Variants in RHOBTB1 observed in about 807,000 individuals in gnomAD.
The protein encoded by RHOBTB1 is Rho related BTB domain containing 1.
A neutral mutation model predicts 71.6 loss-of-function variants in RHOBTB1; 40 were observed. The observed-to-expected ratio is 0.56, with a 90% CI of 0.43 to 0.73. The LOEUF (loss-of-function observed/expected upper bound fraction) is 0.73. Among genes scored for constraint, RHOBTB1 ranks in the 30% least tolerant of loss-of-function variants. The pLI, the probability that RHOBTB1 is intolerant of heterozygous loss-of-function variation, is 0.00. For missense variants in RHOBTB1, 797 were observed against 894.0 expected (o/e 0.89, Z 1.38); for synonymous variants, 319 against 334.9 (o/e 0.95, Z 0.52).
chr10:60,888,118 T>C (rs980903608), intron 6 of RHOBTB1, 94 bp downstream of exon 6: 76 of 1,367,462 alleles, frequency 5.6e-5, no homozygotes, highest in Admixed American at 3.0e-4. Flanking sequence ...GTATAAATGT[T>C]AGCTATCGTT....
intron 2 of RHOBTB1, among the ~76,000 whole-genome samples, chr10:60,953,681 ATAGTC>A (rs1435911857): frequency 1.3e-5 from 2 of 152,158 alleles, no homozygotes; most frequent in African/African-American, 4.8e-5. Context: ...TGATAACAGA[ATAGTC>A]TAGTGTCATA....
chr10:60,942,876 T>A (rs1238836775), intron 1 of RHOBTB1, among the ~76,000 whole-genome samples: 1 of 149,190 alleles, frequency 6.7e-6, no homozygotes, highest in Non-Finnish European at 1.5e-5. Flanking sequence ...TTTTTTTCTG[T>A]TTAGAGTATG....
rs377090607 is a variant in RHOBTB1, at chr10:60,949,349, C to T, written c.-61-7495G>A. Among the ~76,000 whole-genome samples, 14 of 152,164 alleles carry T rather than the reference C, an allele frequency of 9.2e-5. No homozygotes were observed. The East Asian group carries it at 1.7e-3, about 19-fold the overall frequency. The stretch of plus-strand genomic sequence containing the variant: ...CTAACCCTTTCTGTCCCAAATACCA[C>T]GGGCTGTCTTTGAAAGAATCTGTGT... On this transcript the variant is annotated intron_variant, in intron 2 of 11. Coordinates refer to the RHOBTB1 transcript ENST00000357917.
At chr10:60,886,262 G>A (rs781693843) in intron 6 of RHOBTB1, 32 bp from the exon 7 acceptor site, 1 of 1,558,336 alleles carries the variant, frequency 6.4e-7, no homozygotes, top group Non-Finnish European at 8.8e-7. Flanking sequence ...ACAACCATGA[G>A]CCAACTTTGC....
intron 2 of RHOBTB1, among the ~76,000 whole-genome samples, chr10:60,913,299 G>A (rs1284251410): frequency 3.3e-5 from 5 of 152,150 alleles, no homozygotes; most frequent in Non-Finnish European, 5.9e-5. Context: ...GAACAGATAT[G>A]TGCTTAGGTT....
At chr10:60,911,647 C>T in intron 2 of RHOBTB1, 95 bp from the exon 3 acceptor site, 2 of 983,938 alleles carry the variant, frequency 2.0e-6, no homozygotes, top group Non-Finnish European at 3.1e-6. Context: ...CTTCGTCCAG[C>T]CACTTCCTTG....
At chr10:60,950,850 C>A (rs1280252307) in intron 2 of RHOBTB1, among the ~76,000 whole-genome samples, 1 of 152,120 alleles carries the variant, frequency 6.6e-6, no homozygotes, top group Non-Finnish European at 1.5e-5. Context: ...CCTCCCTCCC[C>A]AAATGCTGAC....
At chr10:60,872,947 C>T (rs1267181347) in intron 9 of RHOBTB1, among the ~76,000 whole-genome samples, 2 of 152,154 alleles carry the variant, frequency 1.3e-5, no homozygotes, top group African/African-American at 2.4e-5. Flanking sequence ...GGGCCTGCTG[C>T]GATCCCTCAC....
chr10:60,888,658 G>C lies in RHOBTB1; in HGVS notation c.1010C>G (p.Pro337Arg). 1.2e-6 allele frequency: 2 copies of C among 1,614,174 alleles called. No homozygotes were observed. Among genetic ancestry groups the C allele is most frequent in the South Asian group, 1.1e-5 (1 of 91,084 alleles). The change falls in exon 6 of 11, where the codon CCG becomes CGG. Residue 337 changes from proline to arginine, a missense_variant. Around this residue, in one of 2 missense-constraint regions of RHOBTB1, gnomAD observed 658 missense variants for 681.5 expected, o/e 0.97. Transcript: ENST00000337910. ...CTGGTCGGCCTGAGGAATCCTAGGCGGGCCCTCCTCCCTTTCTTCCTCTGG... is the reference window on the plus strand; with the variant it reads ...CTGGTCGGCCTGAGGAATCCTAGGCCGGCCCTCCTCCCTTTCTTCCTCTGG... ...VDPEEEREEGPPRIPQADQWK... is the reference protein window; with the variant it reads ...VDPEEEREEGRPRIPQADQWK...
At chr10:60,878,328 G>A (rs1382156974) in intron 7 of RHOBTB1, among the ~76,000 whole-genome samples, 1 of 152,158 alleles carries the variant, frequency 6.6e-6, no homozygotes. Context: ...CAAATGGACT[G>A]GAAATGTATG....
the RHOBTB1 span, among the ~76,000 whole-genome samples, chr10:60,864,363 T>A: frequency 6.6e-6 from 1 of 152,160 alleles, no homozygotes; most frequent in Non-Finnish European, 1.5e-5. Context: ...CTCACATCAG[T>A]TTTTTGGACT....
At chr10:60,889,398 A>G (rs2081799410) in intron 5 of RHOBTB1, among the ~76,000 whole-genome samples, 1 of 152,204 alleles carries the variant, frequency 6.6e-6, no homozygotes. Context: ...CAGAGTTTCA[A>G]TGCACATAAT....
At chr10:60,867,329 A>G (rs1385107016), downstream of RHOBTB1, among the ~76,000 whole-genome samples, 1 of 152,248 alleles carries the variant, frequency 6.6e-6, no homozygotes, top group Non-Finnish European at 1.5e-5. Context: ...GAAAGAAATG[A>G]ATCAAGTTCT....
chr10:60,942,154 A>G (rs968240689), intron 1 of RHOBTB1, among the ~76,000 whole-genome samples: 2 of 152,242 alleles, frequency 1.3e-5, no homozygotes, highest in African/African-American at 2.4e-5. Flanking sequence ...AAACCGATAG[A>G]TAACAATGAA....
chr10:60,906,879 G>T (rs1371527686), intron 4 of RHOBTB1, among the ~76,000 whole-genome samples: 2 of 152,204 alleles, frequency 1.3e-5, no homozygotes, highest in Admixed American at 1.3e-4. Flanking sequence ...GTTTGGCTGT[G>T]TCCCCACCCA....
intron 2 of RHOBTB1, among the ~76,000 whole-genome samples, chr10:60,951,317 C>T (rs1441246900): frequency 6.8e-6 from 1 of 147,144 alleles, no homozygotes; most frequent in Non-Finnish European, 1.5e-5. Context: ...TAATTGGCAC[C>T]ACCACTCCTT....
At chr10:60,915,964 T>C (rs1473182303) in intron 2 of RHOBTB1, among the ~76,000 whole-genome samples, 1 of 152,150 alleles carries the variant, frequency 6.6e-6, no homozygotes, top group Non-Finnish European at 1.5e-5. Flanking sequence ...ATTGTTGTCA[T>C]CCAGAAACAT....
At chr10:60,903,286 T>A (rs2082496870) in intron 4 of RHOBTB1, among the ~76,000 whole-genome samples, 1 of 152,152 alleles carries the variant, frequency 6.6e-6, no homozygotes, top group Admixed American at 6.5e-5. Flanking sequence ...TACTTTGTTA[T>A]GTCTGGACCA....
chr10:60,953,367 C>T (rs534766017), intron 2 of RHOBTB1, among the ~76,000 whole-genome samples: 21 of 152,220 alleles, frequency 1.4e-4, no homozygotes, highest in Non-Finnish European at 2.2e-4. Context: ...GCTGAAGGCC[C>T]GGCTTCTCTC....
Sources: allele counts gnomAD v4.1 joint callset (sites outside exome capture counted in the v4.1 genomes callset), GRCh38; gene constraint gnomAD v4.1.1; regional missense constraint gnomAD v4.1.1; transcripts MANE v1.5; gene names NCBI Gene and HGNC (gene_info 2026-07-23, HGNC 2026-07-21).